The following PLXNA2 variants were observed in gnomAD, a reference collection of about 807,000 sequenced individuals.
PLXNA2 encodes plexin-A2.
A neutral mutation model predicts 193.5 loss-of-function variants in PLXNA2; 91 were observed. The observed-to-expected ratio is 0.47, with a 90% CI of 0.40 to 0.56. The LOEUF (loss-of-function observed/expected upper bound fraction) is 0.56. PLXNA2 is among the 20% of genes least tolerant of loss of function. The pLI is 0.00. For missense variants in PLXNA2, 1,995 were observed against 2,503.2 expected (o/e 0.80, Z 4.33); for synonymous variants, 997 against 1,027.3 (o/e 0.97, Z 0.56).
rs566236128 is a variant in PLXNA2 at position 208,184,416 on chromosome 1, C to T, written c.1371+25864G>A. Among the ~76,000 whole-genome samples the T allele has an allele frequency of 2.7e-5, 4 of 150,436 alleles. No homozygotes were observed. In the South Asian group the frequency reaches 6.3e-4, roughly 24 times the overall value. On this transcript the variant is annotated intron_variant, in intron 3 of 31. Transcript: ENST00000367033. ...CATATTCTGCCTCCCTTCTCCACCCCCTGCTTAAAAAAAAAAAAACCAAGG... is the reference window on the plus strand; with the variant it reads ...CATATTCTGCCTCCCTTCTCCACCCTCTGCTTAAAAAAAAAAAAACCAAGG...
At chr1:208,164,190 AG>A in intron 3 of PLXNA2, among the ~76,000 whole-genome samples, 1 of 152,344 alleles carries the variant, frequency 6.6e-6, no homozygotes, top group South Asian at 2.1e-4. Flanking sequence ...TGCAGGCTAC[AG>A]GGGAAGACTT....
intron 13 of PLXNA2, among the ~76,000 whole-genome samples, chr1:208,058,123 A>G (rs1201506091): frequency 6.6e-6 from 1 of 152,194 alleles, no homozygotes; most frequent in Admixed American, 6.5e-5. Flanking sequence ...GCGGAAGCAC[A>G]CACACATCTC....
intron 27 of PLXNA2, 36 bp from the exon 28 acceptor site, chr1:208,033,545 C>T (rs1664574778): frequency 2.0e-6 from 3 of 1,524,382 alleles, no homozygotes; most frequent in African/African-American, 2.7e-5. Flanking sequence ...CTGTGAGTAA[C>T]AGTCACCAGC....
rs897177639 is a variant in PLXNA2, at chr1:208,082,107, C to T, written c.2395+305G>A. 2.6e-5 allele frequency among the ~76,000 whole-genome samples: 4 copies of T among 152,164 alleles called. No homozygotes were observed. Among genetic ancestry groups the T allele is most frequent in the Admixed American group, 1.3e-4 (2 of 15,286 alleles). Reference sequence around the variant, plus strand: ...TATCTCCATTTCCAGGGAAACTAGCCGGACGTTCCTGCCTGCTGTTCTCCT... The same window carrying T: ...TATCTCCATTTCCAGGGAAACTAGCTGGACGTTCCTGCCTGCTGTTCTCCT... On this transcript the variant is annotated intron_variant, in intron 11 of 31. Coordinates refer to ENST00000367033, the MANE Select transcript of PLXNA2 (RefSeq NM_025179.4). This position sits in a 1 kb window ranked among gnomAD's most constrained non-coding sequence, Gnocchi z 4.2.
At chr1:208,069,624 A>G (rs1310723761) in intron 12 of PLXNA2, among the ~76,000 whole-genome samples, 2 of 152,034 alleles carry the variant, frequency 1.3e-5, no homozygotes, top group African/African-American at 4.8e-5. Flanking sequence ...GGCTGTTCCT[A>G]GGTTCAGCCT....
chr1:208,069,194 G>T (rs1203824335), intron 12 of PLXNA2, among the ~76,000 whole-genome samples: 1 of 152,196 alleles, frequency 6.6e-6, no homozygotes. Flanking sequence ...TATGACGATG[G>T]CAGGGGACTA....
At chr1:208,035,822 G>A (rs1164214959) in intron 26 of PLXNA2, among the ~76,000 whole-genome samples, 2 of 152,188 alleles carry the variant, frequency 1.3e-5, no homozygotes, top group South Asian at 2.1e-4. Context: ...TAAATGTGGG[G>A]AAGTCAAACT....
chr1:208,081,250 G>T (rs565978464), intron 11 of PLXNA2, among the ~76,000 whole-genome samples: 1 of 152,148 alleles, frequency 6.6e-6, no homozygotes, highest in African/African-American at 2.4e-5. Flanking sequence ...TCCTGGCTCC[G>T]TTCCTTTCTC....
chr1:208,033,209 CTGAATGGGTCCTCT>C (rs1664560562), intron 28 of PLXNA2, 96 bp downstream of exon 28: 3 of 1,070,900 alleles, frequency 2.8e-6, no homozygotes, highest in Non-Finnish European at 4.2e-6. Flanking sequence ...CCTGGACTGT[CTGAATGGGTCCTCT>C]TGAAGGACAC....
At chr1:208,109,134 C>T (rs915655940) in intron 4 of PLXNA2, among the ~76,000 whole-genome samples, 4 of 152,194 alleles carry the variant, frequency 2.6e-5, no homozygotes, top group Non-Finnish European at 4.4e-5. Flanking sequence ...GGCTGGGAGC[C>T]AGGTGGCAGG....
chr1:208,192,829 G>A (rs1670225503), intron 3 of PLXNA2, among the ~76,000 whole-genome samples: 1 of 151,780 alleles, frequency 6.6e-6, no homozygotes, highest in Non-Finnish European at 1.5e-5. Context: ...GGAGGGTGCA[G>A]TGAGCCGAGA....
intron 3 of PLXNA2, among the ~76,000 whole-genome samples, chr1:208,180,657 G>A (rs1473614162): frequency 6.6e-6 from 1 of 152,226 alleles, no homozygotes; most frequent in East Asian, 1.9e-4. Flanking sequence ...TGGCAGACGA[G>A]GAAACTGAGA....
At chr1:208,212,190 G>A (rs1308574579) in intron 2 of PLXNA2, among the ~76,000 whole-genome samples, 2 of 152,176 alleles carry the variant, frequency 1.3e-5, no homozygotes, top group Non-Finnish European at 2.9e-5. Flanking sequence ...ACCCTCACCA[G>A]GGAAGAGCAG....
At chr1:208,167,402 A>C (rs904685762) in intron 3 of PLXNA2, among the ~76,000 whole-genome samples, 9 of 152,350 alleles carry the variant, frequency 5.9e-5, no homozygotes, top group Non-Finnish European at 1.3e-4. Flanking sequence ...TGGAGGAGCC[A>C]TAATATGCTC....
At position 208,236,321 on chromosome 1, in the gene PLXNA2, G is replaced by A. The variant is rs1481279881; in HGVS notation, c.-81+7322C>T. 6.6e-6 allele frequency among the ~76,000 whole-genome samples: 1 copy of A among 152,168 alleles called. No homozygotes were observed. Among genetic ancestry groups the A allele is most frequent in the Non-Finnish European group, 1.5e-5 (1 of 68,036 alleles). On this transcript the variant is annotated intron_variant, in intron 1 of 31. Transcript: ENST00000367033. The surrounding 1 kb of genome is among the most constrained non-coding windows in gnomAD (Gnocchi z 4.4). ...AGTCAGGGGAGGTGGGAGGTCAGAGGCCAACGTAATATTTACCCAGCCTAG... is the reference window on the plus strand; with the variant it reads ...AGTCAGGGGAGGTGGGAGGTCAGAGACCAACGTAATATTTACCCAGCCTAG...
At chr1:208,046,730 C>G (rs982501041) in intron 17 of PLXNA2, among the ~76,000 whole-genome samples, 1 of 148,184 alleles carries the variant, frequency 6.7e-6, no homozygotes, top group African/African-American at 2.5e-5. Flanking sequence ...GCAGAGGGAA[C>G]AGCACCAAAA....
At chr1:208,034,842 G>A (rs903457748) in intron 26 of PLXNA2, among the ~76,000 whole-genome samples, 3 of 152,152 alleles carry the variant, frequency 2.0e-5, no homozygotes, top group African/African-American at 4.8e-5. Flanking sequence ...CAACTAAGAT[G>A]AGCTGTGTCT....
At chr1:208,164,744 C>T (rs1669242557) in intron 3 of PLXNA2, among the ~76,000 whole-genome samples, 1 of 152,316 alleles carries the variant, frequency 6.6e-6, no homozygotes, top group South Asian at 2.1e-4. Context: ...CTTCAGATCC[C>T]TGGGCGTCAG....
chr1:208,172,344 T>C (rs923364180), intron 3 of PLXNA2, among the ~76,000 whole-genome samples: 4 of 152,010 alleles, frequency 2.6e-5, no homozygotes, highest in African/African-American at 4.8e-5. Flanking sequence ...CTTTGCTTTG[T>C]AAAAAGTGTG....
Sources: gnomAD v4.1 joint callset for allele counts (sites outside exome capture counted in the v4.1 genomes callset) on GRCh38, gnomAD v4.1.1 for gene constraint, Gnocchi (gnomAD v3.1) non-coding constraint, MANE v1.5 for transcripts, NCBI Gene and HGNC (gene_info 2026-07-23, HGNC 2026-07-21) for gene names.